PTPRM: variants seen among roughly 807,000 people sequenced by gnomAD.
PTPRM encodes the protein receptor-type tyrosine-protein phosphatase mu.
Under a neutral mutation model 186.7 loss-of-function variants are expected in PTPRM, and 47 were observed. The ratio of observed to expected loss-of-function variants is 0.25; its 90% CI spans 0.20 to 0.32. The LOEUF (loss-of-function observed/expected upper bound fraction) is 0.32. PTPRM is among the 10% of genes least tolerant of loss of function. The pLI is 1.00. For missense variants in PTPRM, 1,494 were observed against 1,865.0 expected (o/e 0.80, Z 3.66); for synonymous variants, 668 against 674.9 (o/e 0.99, Z 0.16).
chr18:7,586,226 T>A (rs1030406566), intron 1 of PTPRM, among the ~76,000 whole-genome samples: 26 of 152,198 alleles, frequency 1.7e-4, no homozygotes, highest in Admixed American at 6.5e-5. Flanking sequence ...CATCGTGGGC[T>A]TAACCTGCTT....
At chr18:8,378,435 G>C in intron 27 of PTPRM, 21 bp downstream of exon 27, 10 of 1,612,848 alleles carry the variant, frequency 6.2e-6, no homozygotes, top group Non-Finnish European at 8.5e-6. Context: ...CCTAAGGGAG[G>C]GGCACTGCAC....
In PTPRM at chr18:8,106,865, C is replaced by G. The variant is rs543234991; in HGVS notation, c.1857-6621C>G. Among the ~76,000 whole-genome samples the G allele has an allele frequency of 3.3e-5, 5 of 152,330 alleles. No homozygotes were observed. The South Asian group carries it at 8.3e-4, about 25-fold the overall frequency. ...GGACGGTGATTCCCAAGTCAATGCT[C>G]TCTCATCAGCACCCCCTTGGGCACA... On this transcript the variant is annotated intron_variant, in intron 11 of 32. Coordinates refer to ENST00000580170, the MANE Select transcript of PTPRM (RefSeq NM_001105244.2).
At chr18:8,023,864 A>G (rs113532450) in intron 7 of PTPRM, among the ~76,000 whole-genome samples, 2,550 of 144,392 alleles carry the variant, frequency 0.018, 77 homozygotes, top group African/African-American at 0.061. Context: ...ACACACACAC[A>G]CACACACGCA....
At chr18:7,881,648 G>A (rs910799416) in intron 2 of PTPRM, among the ~76,000 whole-genome samples, 6 of 152,146 alleles carry the variant, frequency 3.9e-5, no homozygotes, top group Non-Finnish European at 8.8e-5. Context: ...GATTTAATTA[G>A]ATCAAGTTCA....
chr18:7,908,381 A>AT (rs2050102727), intron 4 of PTPRM, among the ~76,000 whole-genome samples: 1 of 152,156 alleles, frequency 6.6e-6, no homozygotes, highest in African/African-American at 2.4e-5. Context: ...TGAAAGAATG[A>AT]TTATATCTAC....
At chr18:7,947,330 A>G (rs2052604935) in intron 5 of PTPRM, among the ~76,000 whole-genome samples, 1 of 152,096 alleles carries the variant, frequency 6.6e-6, no homozygotes, top group African/African-American at 2.4e-5. Flanking sequence ...GGCTCTATGA[A>G]GGTTAACCAC....
intron 19 of PTPRM, among the ~76,000 whole-genome samples, chr18:8,284,288 T>C (rs2094933010): frequency 6.6e-6 from 1 of 152,186 alleles, no homozygotes; most frequent in Admixed American, 6.5e-5. Context: ...TAGTTCTAAA[T>C]AAAAAAATTG....
intron 5 of PTPRM, chr18:7,947,020 T>C (rs1027701298): frequency 2.2e-6 from 1 of 456,042 alleles, no homozygotes; most frequent in Admixed American, 2.3e-5. Flanking sequence ...GGCCTTGTGG[T>C]TTTCTAGGGT....
intron 12 of PTPRM, among the ~76,000 whole-genome samples, chr18:8,114,387 G>A (rs931214346): frequency 2.6e-5 from 4 of 152,074 alleles, no homozygotes; most frequent in South Asian, 2.1e-4. Context: ...TCCCTCCTTC[G>A]CAGCATAGGT....
intron 31 of PTPRM, among the ~76,000 whole-genome samples, chr18:8,393,360 C>T (rs1369979940): frequency 1.3e-5 from 2 of 152,154 alleles, no homozygotes; most frequent in Non-Finnish European, 2.9e-5. Flanking sequence ...TCTCAGATTG[C>T]GGCTGGGGAC....
At chr18:7,689,920 A>C (rs1443202035) in intron 1 of PTPRM, among the ~76,000 whole-genome samples, 1 of 152,138 alleles carries the variant, frequency 6.6e-6, no homozygotes, top group Non-Finnish European at 1.5e-5. Context: ...ATCCTTTATC[A>C]CTCATTGCTC....
intron 2 of PTPRM, among the ~76,000 whole-genome samples, chr18:7,836,001 A>G (rs1055681381): frequency 5.3e-5 from 8 of 152,028 alleles, no homozygotes; most frequent in African/African-American, 1.4e-4. Flanking sequence ...TGCCTGAAGT[A>G]TGTTTCTTGT....
chr18:8,336,616 G>T (rs1370812903), intron 22 of PTPRM, among the ~76,000 whole-genome samples: 2 of 141,626 alleles, frequency 1.4e-5, no homozygotes, highest in African/African-American at 2.6e-5. Flanking sequence ...GAGAGGAGGA[G>T]GGGGAGGGAG....
intron 1 of PTPRM, among the ~76,000 whole-genome samples, chr18:7,746,978 G>A (rs1253623703): frequency 6.6e-6 from 1 of 152,128 alleles, no homozygotes; most frequent in African/African-American, 2.4e-5. Context: ...TTCTCCCGGT[G>A]TGAACTCCCA....
chr18:7,807,200 T>C lies in PTPRM; in HGVS notation c.196+32929T>C, dbSNP rs117355177. 2.3e-3 allele frequency among the ~76,000 whole-genome samples: 343 copies of C among 152,384 alleles called. 3 individuals are homozygous for C. Among genetic ancestry groups the C allele is most frequent in the Non-Finnish European group, 3.4e-3 (234 of 68,040 alleles). ...CAAAGTTGGAAGTGTTGAATGTGTT[T>C]TCTTGTAGTGCTGATATAGAGTAGA... On this transcript the variant is annotated intron_variant, in intron 2 of 32. Transcript: ENST00000580170.
chr18:8,039,313 A>T (rs1264347268), intron 7 of PTPRM, among the ~76,000 whole-genome samples: 1 of 152,092 alleles, frequency 6.6e-6, no homozygotes, highest in Non-Finnish European at 1.5e-5. Flanking sequence ...TTTGTTTTTT[A>T]ATAAAAATTA....
In PTPRM at chr18:8,076,448, C is replaced by T. The variant is rs1368736912; in HGVS notation, c.1442-7C>T. ...TTAAACATTTATTTCCTCCCACCCT[C>T]CTTTAGTCCCAGGTGCTGTTCCCAC... On this transcript the variant is annotated splice_polypyrimidine_tract_variant and splice_region_variant and intron_variant, in intron 8 of 32. Transcript: ENST00000580170. The T allele has an allele frequency of 3.3e-6, 5 of 1,510,762 alleles. No homozygotes were observed. The highest frequency in any genetic ancestry group is 3.5e-5 in the Admixed American group (2 of 57,818). 93.6% of individuals were successfully genotyped at this position (1,510,762 alleles called of 1,614,324 possible).
At chr18:7,922,425 G>T (rs186427328) in intron 4 of PTPRM, among the ~76,000 whole-genome samples, 5 of 152,344 alleles carry the variant, frequency 3.3e-5, no homozygotes, top group Admixed American at 3.3e-4. Flanking sequence ...GGAAGGGACA[G>T]ATTTCCTGCC....
At chr18:7,616,638 A>C (rs1489418015) in intron 1 of PTPRM, among the ~76,000 whole-genome samples, 1 of 151,592 alleles carries the variant, frequency 6.6e-6, no homozygotes, top group Non-Finnish European at 1.5e-5. Flanking sequence ...GGCACCCCTC[A>C]CTCGTGGGCC....
Sources: gnomAD v4.1 joint callset for allele counts (sites outside exome capture counted in the v4.1 genomes callset) on GRCh38, gnomAD v4.1.1 for gene constraint, MANE v1.5 for transcripts, NCBI Gene and HGNC (gene_info 2026-07-23, HGNC 2026-07-21) for gene names.